Variants in LRRC31 observed in about 807,000 individuals in gnomAD.
LRRC31 encodes the protein leucine rich repeat containing 31.
Under a neutral mutation model 46.7 loss-of-function variants are expected in LRRC31, and 35 were observed. That is an observed-to-expected ratio of 0.75 (90% CI 0.57 to 0.99). The LOEUF is 0.99. Among genes scored for constraint, LRRC31 ranks in the 50% least tolerant of loss-of-function variants. The pLI is 0.00. For synonymous variants in LRRC31, 236 were observed against 235.1 expected (o/e 1.00, Z -0.03); for missense variants, 613 against 626.1 (o/e 0.98, Z 0.22).
intron 8 of LRRC31, among the ~76,000 whole-genome samples, chr3:169,841,069 C>A (rs1780433955): frequency 6.6e-6 from 1 of 152,206 alleles, no homozygotes; most frequent in Non-Finnish European, 1.5e-5. Context: ...TATCCAACCT[C>A]CTAATCAATA....
intron 3 of LRRC31, among the ~76,000 whole-genome samples, chr3:169,857,318 C>CTATATATATATATATATATATATATA (rs34162537): frequency 3.0e-5 from 2 of 66,454 alleles, no homozygotes; most frequent in African/African-American, 5.4e-5. Context: ...TATCACATGC[C>CTATATATATATATATATATATATATA]TATATATATA....
chr3:169,854,343 G>A (rs1360330318), intron 6 of LRRC31, among the ~76,000 whole-genome samples: 1 of 152,188 alleles, frequency 6.6e-6, no homozygotes, highest in Non-Finnish European at 1.5e-5. Context: ...GTTTGCAGTA[G>A]GAAAATAAGT....
At chr3:169,846,654 AAAAG>A (rs199580924) in intron 8 of LRRC31, among the ~76,000 whole-genome samples, 38,763 of 151,118 alleles carry the variant, frequency 0.26, 5,360 homozygotes, top group East Asian at 0.61. Flanking sequence ...TCTAAAAAAA[AAAAG>A]AAAGAAAATG....
intron 6 of LRRC31, among the ~76,000 whole-genome samples, chr3:169,852,574 A>AGAAT (rs1780820781): frequency 6.6e-6 from 1 of 152,232 alleles, no homozygotes; most frequent in South Asian, 2.1e-4. Flanking sequence ...TGTAAGTACC[A>AGAAT]GTAAGGCAAT....
At chr3:169,850,784 T>C (rs1364043416) in intron 7 of LRRC31, among the ~76,000 whole-genome samples, 3 of 152,200 alleles carry the variant, frequency 2.0e-5, no homozygotes, top group South Asian at 4.1e-4. Flanking sequence ...TCAATAAATG[T>C]CAGTTGTTAA....
At chr3:169,849,382 T>C (rs991832350) in intron 7 of LRRC31, among the ~76,000 whole-genome samples, 1 of 152,230 alleles carries the variant, frequency 6.6e-6, no homozygotes, top group Non-Finnish European at 1.5e-5. Context: ...TGATACCTAG[T>C]TGATCATGAT....
rs922448412 is a variant in LRRC31 at position 169,851,735 on chromosome 3, T to C, written c.1043A>G (p.Asn348Ser). 1.9e-6 allele frequency: 3 copies of C among 1,614,072 alleles called. No individual in the cohort carries two copies. The African/African-American group carries it at 4.0e-5, about 22-fold the overall frequency. ...SNLQELDLSA[N>S]KKMGSSSENL... ...TTCAGAAGAACTGCCCATCTTTTTG[T>C]TGGCTGATAAATCCAATTCTTGAAG... Residue 348 changes from asparagine (N) to serine (S), a missense_variant, in exon 7 of 9, where the codon AAC becomes AGC. Asn to Ser is a conservative substitution (Grantham distance 46). Transcript: ENST00000316428.
intron 1 of LRRC31, among the ~76,000 whole-genome samples, chr3:169,868,801 G>A (rs1781406486): frequency 6.6e-6 from 1 of 152,106 alleles, no homozygotes; most frequent in African/African-American, 2.4e-5. Context: ...TCATAGTTGA[G>A]TCTTTAGTCT....
intron 6 of LRRC31, among the ~76,000 whole-genome samples, chr3:169,852,850 A>G (rs1657546085): frequency 6.6e-6 from 1 of 152,058 alleles, no homozygotes; most frequent in African/African-American, 2.4e-5. Flanking sequence ...ATTATGTGAT[A>G]TTTTCTTGTT....
chr3:169,850,454 C>T (rs1780723821), intron 7 of LRRC31, among the ~76,000 whole-genome samples: 1 of 152,134 alleles, frequency 6.6e-6, no homozygotes. Context: ...GTTCTAGGGC[C>T]CATGGACCCA....
chr3:169,866,079 G>C (rs1781322910), intron 1 of LRRC31, among the ~76,000 whole-genome samples: 1 of 152,174 alleles, frequency 6.6e-6, no homozygotes, highest in Non-Finnish European at 1.5e-5. Context: ...GGCCATGCTT[G>C]GGAATATAGG....
intron 6 of LRRC31, chr3:169,853,592 C>T (rs1041538477): frequency 2.2e-5 from 22 of 985,666 alleles, no homozygotes; most frequent in East Asian, 1.1e-4. Flanking sequence ...CTAGGTATGA[C>T]GCTCAGGCTA....
intron 1 of LRRC31, among the ~76,000 whole-genome samples, chr3:169,862,898 G>C (rs147411744): frequency 1.4e-5 from 2 of 145,786 alleles, no homozygotes; most frequent in African/African-American, 2.5e-5. Flanking sequence ...TTTTTTGTTG[G>C]GGGGGATGGA....
Position 169,856,785 on chromosome 3 carries a change from T to C in LRRC31, c.575A>G (p.Gln192Arg). The C allele has an allele frequency of 1.9e-6, 3 of 1,609,428 alleles. No individual in the cohort carries two copies. The highest frequency in any genetic ancestry group is 1.7e-6 in the Non-Finnish European group (2 of 1,177,968). Residue 192 changes from glutamine (Q) to arginine (R), a missense_variant, in exon 4 of 9, where the codon CAG (glutamine) becomes CGG (arginine). By Grantham distance (43) the Gln-to-Arg change is conservative. Transcript: ENST00000316428. ...TATCTTGCTCCCTTTTTGGAACTTC[T>C]GAAGGATCAGAGGCAAATTTCCTCC... ...KVGGNLPLIL[Q>R]KFQKGSKIQM... is the part of the protein sequence containing the mutation.
chr3:169,869,482 G>T (rs1027205808), intron 1 of LRRC31, 151 bp downstream of exon 1: 5 of 492,922 alleles, frequency 1.0e-5, no homozygotes, highest in African/African-American at 1.0e-4. Flanking sequence ...TGATTATTAG[G>T]CATTGCATGC....
At chr3:169,867,246 CTTT>C (rs757102934) in intron 1 of LRRC31, among the ~76,000 whole-genome samples, 9 of 78,780 alleles carry the variant, frequency 1.1e-4, no homozygotes, top group Admixed American at 4.2e-4. Flanking sequence ...GAGATGGAGT[CTTT>C]TTTTTTTTTT....
intron 1 of LRRC31, 57 bp downstream of exon 1, chr3:169,869,576 G>A (rs1781427750): frequency 1.4e-6 from 2 of 1,446,166 alleles, no homozygotes; most frequent in Non-Finnish European, 1.9e-6. Flanking sequence ...TATTTTAAAT[G>A]TGGAAGTAAA....
chr3:169,842,443 C>T (rs1481161034), intron 8 of LRRC31, among the ~76,000 whole-genome samples: 8 of 152,156 alleles, frequency 5.3e-5, no homozygotes, highest in South Asian at 4.1e-4. Flanking sequence ...CTCCATCTCC[C>T]GGGTTCAAGT....
At chr3:169,849,333 A>G (rs1780689692) in intron 7 of LRRC31, among the ~76,000 whole-genome samples, 1 of 152,204 alleles carries the variant, frequency 6.6e-6, no homozygotes, top group African/African-American at 2.4e-5. Flanking sequence ...CTTAATTCAA[A>G]TTGAATGGTA....
Sources: allele counts gnomAD v4.1 joint callset (sites outside exome capture counted in the v4.1 genomes callset), GRCh38; gene constraint gnomAD v4.1.1; transcripts MANE v1.5; gene names NCBI Gene and HGNC (gene_info 2026-07-23, HGNC 2026-07-21).